The following NCOA5 variants were observed in gnomAD, a reference collection of about 807,000 sequenced individuals.
The protein encoded by NCOA5 is nuclear receptor coactivator 5.
NCOA5 carries 12 observed loss-of-function variants against 59.0 expected under a neutral mutation model. That is an observed-to-expected ratio of 0.20 (90% CI 0.13 to 0.33). The LOEUF (loss-of-function observed/expected upper bound fraction) is 0.33. Ranked by LOEUF, NCOA5 falls within the 10% of genes least tolerant of loss-of-function variation. NCOA5 has a pLI of 1.00. For synonymous variants in NCOA5, 270 were observed against 275.5 expected, an observed-to-expected ratio of 0.98 and a Z score of 0.20; for missense variants, 655 against 766.6, an observed-to-expected ratio of 0.85 and a Z score of 1.72.
At chr20:46,072,259 C>T (rs189363869) in intron 2 of NCOA5, among the ~76,000 whole-genome samples, 13 of 152,292 alleles carry the variant, frequency 8.5e-5, no homozygotes, top group Admixed American at 7.8e-4. Context: ...CCAAATCTTT[C>T]TCCAGAAAGA....
chr20:46,078,146 G>A (rs748286218), intron 2 of NCOA5, among the ~76,000 whole-genome samples: 5 of 152,094 alleles, frequency 3.3e-5, no homozygotes, highest in Non-Finnish European at 7.4e-5. Context: ...CAGGCAGAGT[G>A]GACAAAGACT....
chr20:46,086,799 T>A (rs2085049935), intron 1 of NCOA5, among the ~76,000 whole-genome samples: 2 of 152,238 alleles, frequency 1.3e-5, no homozygotes, highest in African/African-American at 2.4e-5. Flanking sequence ...TAGTCAGTTC[T>A]GAGGAACACT....
intron 2 of NCOA5, among the ~76,000 whole-genome samples, chr20:46,078,160 A>G (rs1437867951): frequency 1.3e-5 from 2 of 151,006 alleles, no homozygotes; most frequent in Non-Finnish European, 3.0e-5. Flanking sequence ...AAAGACTCCA[A>G]CTGAATGAAA....
At chr20:46,066,946 A>G in intron 5 of NCOA5, 109 bp downstream of exon 5, 3 of 1,259,772 alleles carry the variant, frequency 2.4e-6, no homozygotes, top group Admixed American at 4.9e-5. Context: ...AACAGCGCAC[A>G]GCAATGCAAG....
At position 46,062,301 on chromosome 20, in the gene NCOA5, C is replaced by T. The variant is rs776894072; in HGVS notation, c.1739G>A (p.Ter580=). 4 of 1,609,032 alleles carry T rather than the reference C, an allele frequency of 2.5e-6. No homozygotes were observed. The highest frequency in any genetic ancestry group is 1.3e-5 in the African/African-American group (1 of 74,668). Residue 580 remains the stop codon, a stop_retained_variant, in exon 8 of 8, where the codon TGA becomes TAA. Coordinates refer to ENST00000290231, the MANE Select transcript of NCOA5 (RefSeq NM_020967.3). The stretch of plus-strand genomic sequence containing the variant: ...TGGGGAGAGTTGAAAGATTTAGCTT[C>T]AGTAATGCCTCTGGTAAGATCCCAT... ...APMGSYQRHY[*] is the part of the protein sequence containing the mutation.
At chr20:46,063,706 T>C (rs759025593) in intron 6 of NCOA5, 26 bp from the exon 7 acceptor site, 1 of 1,600,172 alleles carries the variant, frequency 6.2e-7, no homozygotes, top group Non-Finnish European at 8.5e-7. Context: ...ACATGAGTTA[T>C]TTTCTTCCAT....
At chr20:46,065,538 G>C (rs1174836033) in intron 5 of NCOA5, among the ~76,000 whole-genome samples, 2 of 152,112 alleles carry the variant, frequency 1.3e-5, no homozygotes, top group African/African-American at 2.4e-5. Flanking sequence ...ATCTCTTTTT[G>C]GGTAGGCTGC....
chr20:46,088,433 T>C (rs2085065726), intron 1 of NCOA5, among the ~76,000 whole-genome samples: 1 of 152,230 alleles, frequency 6.6e-6, no homozygotes, highest in Admixed American at 6.5e-5. Context: ...ATATCCACAA[T>C]GCAAAGCATG....
chr20:46,070,154 C>A, intron 3 of NCOA5, 56 bp downstream of exon 3: 1 of 1,397,690 alleles, frequency 7.2e-7, no homozygotes, highest in Non-Finnish European at 1.0e-6. Flanking sequence ...ATTAGTTTAG[C>A]AGAACATACA....
At chr20:46,086,913 A>G (rs920829644) in intron 1 of NCOA5, among the ~76,000 whole-genome samples, 3 of 152,198 alleles carry the variant, frequency 2.0e-5, no homozygotes, top group Non-Finnish European at 4.4e-5. Flanking sequence ...AATGCCTCTG[A>G]GAAGTTTTGG....
chr20:46,072,765 T>C (rs1444633953), intron 2 of NCOA5, among the ~76,000 whole-genome samples: 2 of 152,350 alleles, frequency 1.3e-5, no homozygotes, highest in Non-Finnish European at 2.9e-5. Context: ...GTTTACTTTC[T>C]GCCCCTAAAA....
intron 1 of NCOA5, among the ~76,000 whole-genome samples, chr20:46,089,562 G>A (rs1219590212): frequency 6.6e-6 from 1 of 152,170 alleles, no homozygotes; most frequent in African/African-American, 2.4e-5. Flanking sequence ...GCGATGCGAC[G>A]CCGCCGACCT....
Position 46,079,413 on chromosome 20 carries a change from A to G in NCOA5, c.12T>C (p.Ala4=). The G allele has an allele frequency of 5.0e-6, 8 of 1,613,948 alleles. No individual in the cohort carries two copies. The highest frequency in any genetic ancestry group is 6.8e-6 in the Non-Finnish European group (8 of 1,179,954). Residue 4 remains alanine, a synonymous_variant, in exon 2 of 8, where the codon GCT becomes GCC. Coordinates refer to ENST00000290231, the MANE Select transcript of NCOA5 (RefSeq NM_020967.3). ...TTCGTGTGGGGCTGGGTCTTGATGG[A>G]GCCGTATTCATATTTCTTCTTTCCG... MNT[A]PSRPSPTRRD... is the part of the protein sequence containing the mutation.
intron 1 of NCOA5, among the ~76,000 whole-genome samples, 156 bp downstream of exon 1, chr20:46,089,661 T>A (rs934046844): frequency 6.6e-6 from 1 of 151,892 alleles, no homozygotes; most frequent in Non-Finnish European, 1.5e-5. Flanking sequence ...GCACCGGGCA[T>A]GCGCAGCACC....
At position 46,061,530 on chromosome 20, in the gene NCOA5, C is replaced by G. The variant is rs2084762404; in HGVS notation, c.*770G>C. 6.6e-6 allele frequency: 1 copy of G among 152,562 alleles called. No individual in the cohort carries two copies. Among genetic ancestry groups the G allele is most frequent in the South Asian group, 2.1e-4 (1 of 4,832 alleles). 9.5% of individuals were successfully genotyped at this position (152,562 alleles called of 1,614,324 possible). On this transcript the variant is annotated 3_prime_UTR_variant, in exon 8 of 8. Coordinates refer to ENST00000290231, the MANE Select transcript of NCOA5 (RefSeq NM_020967.3). ...CAGAACCAACTTCATGGAAGTGCTGCTGGAGAGGGGGATGCTGACAGAACT... is the reference window on the plus strand; with the variant it reads ...CAGAACCAACTTCATGGAAGTGCTGGTGGAGAGGGGGATGCTGACAGAACT...
At position 46,062,381 on chromosome 20, in the gene NCOA5, A is replaced by C. The variant is rs1281095258; in HGVS notation, c.1659T>G (p.Ala553=). 1 of 1,614,100 alleles carries C rather than the reference A, an allele frequency of 6.2e-7. No individual in the cohort carries two copies. The highest frequency in any genetic ancestry group is 1.7e-5 in the Admixed American group (1 of 60,024). Reference sequence around the variant, plus strand: ...TGGTCTGGCTAACCAGGTGGGAGAGAGCAGGGCCACTCTGGATCAGGGTAT... The same window carrying C: ...TGGTCTGGCTAACCAGGTGGGAGAGCGCAGGGCCACTCTGGATCAGGGTAT... ...ALDTLIQSGP[A]LSHLVSQTTA... is the part of the protein sequence containing the mutation. The change falls in exon 8 of 8, where the codon GCT becomes GCG. Residue 553 remains alanine (A), a synonymous_variant. Coordinates refer to ENST00000290231, the MANE Select transcript of NCOA5 (RefSeq NM_020967.3).
chr20:46,075,518 C>T (rs1198345229), intron 2 of NCOA5, among the ~76,000 whole-genome samples: 1 of 152,152 alleles, frequency 6.6e-6, no homozygotes, highest in Non-Finnish European at 1.5e-5. Flanking sequence ...CAAAGAGATA[C>T]CAGGTTTAAC....
chr20:46,079,277 T>G, intron 2 of NCOA5, 110 bp downstream of exon 2: 1 of 1,010,798 alleles, frequency 9.9e-7, no homozygotes, highest in Non-Finnish European at 1.6e-6. Flanking sequence ...ATTGTTTGCT[T>G]GAGCGTTTCA....
intron 2 of NCOA5, among the ~76,000 whole-genome samples, chr20:46,075,972 T>C (rs2084934001): frequency 6.6e-6 from 1 of 152,190 alleles, no homozygotes; most frequent in African/African-American, 2.4e-5. Context: ...GGGAGTCATA[T>C]TATTGAATAG....
Sources: gnomAD v4.1 joint callset for allele counts (sites outside exome capture counted in the v4.1 genomes callset) on GRCh38, gnomAD v4.1.1 for gene constraint, MANE v1.5 for transcripts, NCBI Gene and HGNC (gene_info 2026-07-23, HGNC 2026-07-21) for gene names.